Variants in RAB6A observed in about 807,000 individuals in gnomAD.
RAB6A encodes the protein ras-related protein Rab-6A.
RAB6A carries 8 observed loss-of-function variants against 32.3 expected under a neutral mutation model. The observed-to-expected ratio is 0.25, with a 90% CI of 0.15 to 0.45. The LOEUF is 0.45. RAB6A is among the 20% of genes least tolerant of loss of function. RAB6A has a pLI of 1.00. For missense variants in RAB6A, 104 were observed against 249.4 expected (o/e 0.42, Z 3.93); for synonymous variants, 73 against 82.1 (o/e 0.89, Z 0.60).
chr11:73,683,428 G>GT (rs1487992049), intron 6 of RAB6A, among the ~76,000 whole-genome samples: 1 of 151,184 alleles, frequency 6.6e-6, no homozygotes, highest in Non-Finnish European at 1.5e-5. Context: ...GCTAATTTTT[G>GT]TATTTTTTTT....
chr11:73,715,416 A>G (rs888784682), intron 5 of RAB6A, among the ~76,000 whole-genome samples: 2 of 152,050 alleles, frequency 1.3e-5, no homozygotes, highest in African/African-American at 2.4e-5. Context: ...GAGCCACCGC[A>G]CCCGGCCTGT....
intron 2 of RAB6A, among the ~76,000 whole-genome samples, chr11:73,728,267 A>T (rs1465182405): frequency 6.6e-6 from 1 of 152,176 alleles, no homozygotes; most frequent in African/African-American, 2.4e-5. Context: ...CTTTCACATT[A>T]AGTATATAAG....
At chr11:73,750,817 A>T (rs1449420456) in intron 1 of RAB6A, among the ~76,000 whole-genome samples, 1 of 152,080 alleles carries the variant, frequency 6.6e-6, no homozygotes, top group Non-Finnish European at 1.5e-5. Context: ...TTAATTTTAT[A>T]GAATGTACTT....
At chr11:73,700,397 A>G (rs1945721152) in intron 6 of RAB6A, among the ~76,000 whole-genome samples, 1 of 152,124 alleles carries the variant, frequency 6.6e-6, no homozygotes, top group Non-Finnish European at 1.5e-5. Context: ...GGCCTGGGCA[A>G]TATAGCAAGA....
chr11:73,707,822 A>C (rs995489346), intron 5 of RAB6A, among the ~76,000 whole-genome samples: 1 of 152,198 alleles, frequency 6.6e-6, no homozygotes, highest in Admixed American at 6.5e-5. Context: ...TTGAGGCTGC[A>C]GCAGGCCATT....
chr11:73,738,408 G>A (rs964988904), intron 1 of RAB6A, among the ~76,000 whole-genome samples: 3 of 152,236 alleles, frequency 2.0e-5, no homozygotes, highest in African/African-American at 7.2e-5. Flanking sequence ...CCAGATACTC[G>A]GGAAGCTGAA....
intron 6 of RAB6A, among the ~76,000 whole-genome samples, chr11:73,689,062 T>C (rs1945503947): frequency 6.6e-6 from 1 of 151,706 alleles, no homozygotes; most frequent in Non-Finnish European, 1.5e-5. Context: ...GTTGAGGCTG[T>C]AGTGAGCTGT....
intron 6 of RAB6A, among the ~76,000 whole-genome samples, chr11:73,681,473 C>T (rs1031249424): frequency 6.6e-6 from 1 of 152,072 alleles, no homozygotes; most frequent in Non-Finnish European, 1.5e-5. Flanking sequence ...GAACAGAATG[C>T]CTAGAAGGAC....
chr11:73,755,889 G>GGAAGAGGAGGAGGAA (rs1213273161), intron 1 of RAB6A, among the ~76,000 whole-genome samples: 2 of 150,824 alleles, frequency 1.3e-5, no homozygotes, highest in South Asian at 2.1e-4. Context: ...AGGAGGAGAA[G>GGAAGAGGAGGAGGAA]GAAGAGGAGG....
At chr11:73,698,848 G>C in intron 6 of RAB6A, among the ~76,000 whole-genome samples, 1 of 113,140 alleles carries the variant, frequency 8.8e-6, no homozygotes, top group Admixed American at 1.1e-4. Flanking sequence ...CTTTTTTTGC[G>C]ATTTTTTTTT....
chr11:73,697,750 C>T (rs1159500964), intron 6 of RAB6A, among the ~76,000 whole-genome samples: 2 of 152,204 alleles, frequency 1.3e-5, no homozygotes, highest in Admixed American at 6.5e-5. Flanking sequence ...ATGGCACAGA[C>T]TTAGGTATTT....
Position 73,760,652 on chromosome 11 carries a change from C to G in RAB6A, c.-17G>C. Reference sequence around the variant, plus strand: ...CGTGGACATTGTGGAACTAGAGGAGCGGCCGCCGCCTCAGCCTAGAGACCT... The same window carrying G: ...CGTGGACATTGTGGAACTAGAGGAGGGGCCGCCGCCTCAGCCTAGAGACCT... On this transcript the variant is annotated 5_prime_UTR_variant, in exon 1 of 8. Transcript: ENST00000336083. 6.2e-7 allele frequency: 1 copy of G among 1,602,386 alleles called. No individual in the cohort carries two copies. The highest frequency in any genetic ancestry group is 2.2e-5 in the East Asian group (1 of 44,458).
intron 1 of RAB6A, among the ~76,000 whole-genome samples, chr11:73,756,933 T>TA (rs1170324099): frequency 6.6e-6 from 1 of 151,472 alleles, no homozygotes; most frequent in South Asian, 2.1e-4. Context: ...CTCGGACTCC[T>TA]AAAGTGCTGG....
At chr11:73,679,762 T>C (rs1267679564) in intron 6 of RAB6A, 42 bp from the exon 7 acceptor site, 2 of 1,609,342 alleles carry the variant, frequency 1.2e-6, no homozygotes, top group African/African-American at 2.7e-5. Flanking sequence ...AGGGAACATT[T>C]AGCAAAGGGT....
intron 2 of RAB6A, among the ~76,000 whole-genome samples, chr11:73,725,087 G>A (rs760344620): frequency 2.0e-5 from 3 of 152,174 alleles, no homozygotes; most frequent in Non-Finnish European, 4.4e-5. Context: ...GAATGAAAGA[G>A]GATTAGTACA....
intron 5 of RAB6A, among the ~76,000 whole-genome samples, chr11:73,711,526 T>C (rs1945957757): frequency 6.6e-6 from 1 of 152,216 alleles, no homozygotes. Context: ...ACCTGCGTTG[T>C]TTACAGTCTT....
At chr11:73,760,424 G>A (rs1946827214) in intron 1 of RAB6A, 142 bp downstream of exon 1, 5 of 1,141,650 alleles carry the variant, frequency 4.4e-6, no homozygotes, top group Non-Finnish European at 6.1e-6. Context: ...AGTGGCACCG[G>A]GGGGCACATC....
chr11:73,736,378 G>A (rs1354089858), intron 1 of RAB6A, among the ~76,000 whole-genome samples: 7 of 151,610 alleles, frequency 4.6e-5, no homozygotes, highest in Admixed American at 1.3e-4. Flanking sequence ...GCAGTGAGCC[G>A]AGATTGTGCC....
chr11:73,747,095 C>T (rs1417285966), intron 1 of RAB6A, among the ~76,000 whole-genome samples: 2 of 151,590 alleles, frequency 1.3e-5, no homozygotes, highest in Non-Finnish European at 2.9e-5. Context: ...ACCAGCCATA[C>T]GACTGTTTTA....
Sources: allele counts gnomAD v4.1 joint callset (sites outside exome capture counted in the v4.1 genomes callset), GRCh38; gene constraint gnomAD v4.1.1; transcripts MANE v1.5; gene names NCBI Gene and HGNC (gene_info 2026-07-23, HGNC 2026-07-21).